The following KLRG2 variants were observed in gnomAD, a reference collection of about 807,000 sequenced individuals.
KLRG2 encodes killer cell lectin like receptor G2.
In KLRG2, 39 loss-of-function variants were observed where a neutral mutation model predicts 35.4. That is an observed-to-expected ratio of 1.10 (90% CI 0.85 to 1.44). The LOEUF (loss-of-function observed/expected upper bound fraction) is 1.44, where lower values mean the gene tolerates loss of function less well. Among genes scored for constraint, KLRG2 ranks in the 40% most tolerant of loss-of-function variants. The probability of loss-of-function intolerance (pLI) is 0.00; values close to 1 mark genes in which losing one functional copy is unlikely to be tolerated. For missense variants in KLRG2, 632 were observed against 570.9 expected, an observed-to-expected ratio of 1.11 and a Z score of -1.09; for synonymous variants, 283 against 265.8, an observed-to-expected ratio of 1.06 and a Z score of -0.63.
chr7:139,428,907 G>A, the KLRG2 span, among the ~76,000 whole-genome samples: 1 of 152,162 alleles, frequency 6.6e-6, no homozygotes, highest in South Asian at 2.1e-4. Context: ...CATAAAGAGC[G>A]GGTGTAACAA....
chr7:139,476,995 C>T (rs992465878), intron 3 of KLRG2, among the ~76,000 whole-genome samples: 1 of 152,154 alleles, frequency 6.6e-6, no homozygotes, highest in Non-Finnish European at 1.5e-5. Context: ...TTGCCAAACA[C>T]GGAGTAAGTG....
chr7:139,461,464 T>C (rs753610394), intron 3 of KLRG2, among the ~76,000 whole-genome samples: 1 of 152,214 alleles, frequency 6.6e-6, no homozygotes, highest in African/African-American at 2.4e-5. Flanking sequence ...GACTTTAGGA[T>C]TGCCAGGCCT....
chr7:139,477,980 G>C (rs956954684), intron 3 of KLRG2, among the ~76,000 whole-genome samples: 4 of 151,586 alleles, frequency 2.6e-5, no homozygotes, highest in Admixed American at 2.0e-4. Context: ...AGATGGTCTC[G>C]ATCTCCTGAC....
In KLRG2 at chr7:139,483,238, C is replaced by A. The variant is rs1447451775; in HGVS notation, c.405G>T (p.Ala135=). 2 of 1,543,676 alleles carry A rather than the reference C, an allele frequency of 1.3e-6. No individual in the cohort carries two copies. Among genetic ancestry groups the A allele is most frequent in the East Asian group, 5.1e-5 (2 of 39,344 alleles). The change falls in exon 1 of 5, where the codon GCG becomes GCT. Residue 135 remains alanine, a synonymous_variant. Transcript: ENST00000340940. ...GCGATGGCGTGCTGCTGCCACCGGCCGCGCCCACGGGCTTCACGCGCACAT... is the reference window on the plus strand; with the variant it reads ...GCGATGGCGTGCTGCTGCCACCGGCAGCGCCCACGGGCTTCACGCGCACAT... ...QVDVRVKPVG[A]AGGSSTPSPR...
intron 3 of KLRG2, among the ~76,000 whole-genome samples, chr7:139,465,508 C>T (rs61288562): frequency 0.046 from 7,013 of 152,064 alleles, 509 homozygotes; most frequent in African/African-American, 0.16. Flanking sequence ...CTGGCTAACA[C>T]GGTGAAACCC....
At chr7:139,461,684 G>A (rs527393774) in intron 3 of KLRG2, among the ~76,000 whole-genome samples, 15 of 151,688 alleles carry the variant, frequency 9.9e-5, no homozygotes, top group Non-Finnish European at 1.5e-4. Context: ...GCCCGCCAGC[G>A]AACAACACCC....
the KLRG2 span, among the ~76,000 whole-genome samples, chr7:139,439,947 C>T: frequency 6.6e-6 from 1 of 152,154 alleles, no homozygotes; most frequent in African/African-American, 2.4e-5. Context: ...GAGTCCAAAA[C>T]CAAGGCATGA....
At chr7:139,471,856 C>A (rs967993103) in intron 3 of KLRG2, among the ~76,000 whole-genome samples, 1 of 152,038 alleles carries the variant, frequency 6.6e-6, no homozygotes, top group African/African-American at 2.4e-5. Context: ...CGAGGTGGCA[C>A]GAACAGAGGT....
In KLRG2 at chr7:139,463,448, G is replaced by T. The variant is rs142503287; in HGVS notation, c.1006-9234C>A. 7.9e-3 allele frequency among the ~76,000 whole-genome samples: 1,198 copies of T among 152,284 alleles called. 7 individuals carry two copies. Among genetic ancestry groups the T allele is most frequent in the Middle Eastern group, 0.02 (6 of 294 alleles). On this transcript the variant is annotated intron_variant, in intron 3 of 4. Transcript: ENST00000340940. The stretch of plus-strand genomic sequence containing the variant: ...TTACAATTACTTGCCTCTGCCATGA[G>T]ACAAAACCCAGCCGCACCTCCAGCA...
the KLRG2 span, among the ~76,000 whole-genome samples, chr7:139,436,632 G>A: frequency 6.6e-6 from 1 of 152,188 alleles, no homozygotes; most frequent in Non-Finnish European, 1.5e-5. Context: ...TGAGGAGCCC[G>A]GCTCCAGCCA....
At chr7:139,448,022 T>C (rs1300604640), downstream of KLRG2, among the ~76,000 whole-genome samples, 1 of 152,082 alleles carries the variant, frequency 6.6e-6, no homozygotes, top group Non-Finnish European at 1.5e-5. Context: ...GACAGACAGG[T>C]CTGGCTCTGT....
At position 139,453,233 on chromosome 7, in the gene KLRG2, A is replaced by G. The variant is rs1796400809; in HGVS notation, c.*354T>C. 2 of 431,524 alleles carry G rather than the reference A, an allele frequency of 4.6e-6. No individual in the cohort carries two copies. The highest frequency in any genetic ancestry group is 5.3e-5 in the South Asian group (1 of 18,850). The allele number at this position is 431,524 out of a possible 1,614,324, so 26.7% of individuals were successfully genotyped here. A position where few individuals can be genotyped will look rare whatever the true frequency, so the allele number is the denominator to read the frequency against. On this transcript the variant is annotated 3_prime_UTR_variant, in exon 5 of 5. Coordinates refer to ENST00000340940, the MANE Select transcript of KLRG2 (RefSeq NM_198508.4). ...GAGCCGGAATGAGAACCCAGATTGGAATCCGCTGTGGTTGTTAACCCTGTC... is the reference window on the plus strand; with the variant it reads ...GAGCCGGAATGAGAACCCAGATTGGGATCCGCTGTGGTTGTTAACCCTGTC...
At chr7:139,474,118 G>A (rs1796808728) in intron 3 of KLRG2, among the ~76,000 whole-genome samples, 2 of 150,422 alleles carry the variant, frequency 1.3e-5, no homozygotes, top group Middle Eastern at 3.4e-3. Flanking sequence ...CTGGGTTCAA[G>A]CAATTCTAGT....
At chr7:139,465,632 C>T (rs1266099651) in intron 3 of KLRG2, among the ~76,000 whole-genome samples, 3 of 147,432 alleles carry the variant, frequency 2.0e-5, no homozygotes, top group East Asian at 3.9e-4. Flanking sequence ...GCGGAGCTTG[C>T]GGTGAGCCGA....
Position 139,453,494 on chromosome 7 carries a change from G to C in KLRG2, c.*93C>G, listed in dbSNP as rs976964599. 45 of 1,346,798 alleles carry C rather than the reference G, an allele frequency of 3.3e-5. No individual in the cohort carries two copies. In the African/African-American group the frequency reaches 6.3e-4, roughly 19 times the overall value. The allele number at this position is 1,346,798 out of a possible 1,614,324, so 83.4% of individuals were successfully genotyped here. On this transcript the variant is annotated 3_prime_UTR_variant, in exon 5 of 5. Coordinates refer to ENST00000340940, the MANE Select transcript of KLRG2 (RefSeq NM_198508.4). ...CAGAGCATGAAGACCTGGATAACTG[G>C]GTCCAGGAAGAGGCTGCCCAAGCTC...
chr7:139,472,573 C>T (rs1413391744), intron 3 of KLRG2, among the ~76,000 whole-genome samples: 2 of 150,524 alleles, frequency 1.3e-5, no homozygotes, highest in South Asian at 4.2e-4. Context: ...AGTAAGACCC[C>T]GTGTCCATTA....
At chr7:139,459,164 T>C (rs1796527172) in intron 3 of KLRG2, among the ~76,000 whole-genome samples, 1 of 152,220 alleles carries the variant, frequency 6.6e-6, no homozygotes, top group African/African-American at 2.4e-5. Flanking sequence ...ATTCTTTATC[T>C]CAGGTTCTGT....
At chr7:139,464,241 T>C (rs1354139176) in intron 3 of KLRG2, among the ~76,000 whole-genome samples, 1 of 152,124 alleles carries the variant, frequency 6.6e-6, no homozygotes, top group East Asian at 1.9e-4. Flanking sequence ...TACCATCCCA[T>C]TAAAACCTAA....
At chr7:139,454,688 C>T (rs748362428) in intron 3 of KLRG2, among the ~76,000 whole-genome samples, 58 of 151,182 alleles carry the variant, frequency 3.8e-4, no homozygotes, top group East Asian at 7.8e-4. Flanking sequence ...TGGTGGCGGG[C>T]GCCTGTAATC....
Sources: allele counts gnomAD v4.1 joint callset (sites outside exome capture counted in the v4.1 genomes callset), GRCh38; gene constraint gnomAD v4.1.1; transcripts MANE v1.5; gene names NCBI Gene and HGNC (gene_info 2026-07-23, HGNC 2026-07-21).